SPOCK3: variants seen among roughly 807,000 people sequenced by gnomAD.
The protein encoded by SPOCK3 is testican-3.
A neutral mutation model predicts 56.6 loss-of-function variants in SPOCK3; 30 were observed. The observed-to-expected ratio is 0.53, with a 90% confidence interval of 0.40 to 0.72. The LOEUF (loss-of-function observed/expected upper bound fraction) is 0.72. Ranked by LOEUF, SPOCK3 falls within the 30% of genes least tolerant of loss-of-function variation. The probability of loss-of-function intolerance (pLI) is 0.00; values close to 1 mark genes in which losing one functional copy is unlikely to be tolerated. For missense variants in SPOCK3, 527 were observed against 530.0 expected, an observed-to-expected ratio of 0.99 and a Z score of 0.06; for synonymous variants, 196 against 183.3, an observed-to-expected ratio of 1.07 and a Z score of -0.56.
intron 3 of SPOCK3, among the ~76,000 whole-genome samples, chr4:167,056,051 C>T (rs1055662506): frequency 2.6e-5 from 4 of 152,170 alleles, no homozygotes; most frequent in African/African-American, 9.7e-5. Flanking sequence ...GGGAGGCACC[C>T]CCCAGTAGGG....
At chr4:167,007,457 C>A (rs1749578077) in intron 3 of SPOCK3, among the ~76,000 whole-genome samples, 1 of 149,518 alleles carries the variant, frequency 6.7e-6, no homozygotes. Flanking sequence ...ATTTTTTTTT[C>A]AAATATTTTT....
intron 6 of SPOCK3, among the ~76,000 whole-genome samples, chr4:166,822,912 T>G (rs1470587122): frequency 6.6e-6 from 1 of 152,050 alleles, no homozygotes; most frequent in African/African-American, 2.4e-5. Context: ...TTTTTTCTTT[T>G]GCTGTTTATG....
chr4:167,111,261 A>G (rs1159721327), intron 2 of SPOCK3, among the ~76,000 whole-genome samples: 2 of 152,098 alleles, frequency 1.3e-5, no homozygotes, highest in Non-Finnish European at 2.9e-5. Flanking sequence ...TGCAAGTAAG[A>G]TCATTAAGAT....
At chr4:166,782,318 C>T (rs1740269515) in intron 7 of SPOCK3, among the ~76,000 whole-genome samples, 1 of 152,018 alleles carries the variant, frequency 6.6e-6, no homozygotes, top group South Asian at 2.1e-4. Context: ...AAAGAGTCTT[C>T]AGAATACCTG....
At chr4:166,989,727 T>G (rs1349474241) in intron 4 of SPOCK3, among the ~76,000 whole-genome samples, 1 of 152,090 alleles carries the variant, frequency 6.6e-6, no homozygotes, top group East Asian at 1.9e-4. Flanking sequence ...AATTCTTACG[T>G]TTTTTTGGTA....
chr4:166,886,019 C>T (rs900314812), intron 6 of SPOCK3, among the ~76,000 whole-genome samples: 8 of 152,020 alleles, frequency 5.3e-5, no homozygotes, highest in Non-Finnish European at 8.8e-5. Flanking sequence ...AAAATAAATG[C>T]TTTCTACAAT....
chr4:166,915,747 A>T (rs1019533443), intron 4 of SPOCK3, among the ~76,000 whole-genome samples: 18 of 152,140 alleles, frequency 1.2e-4, no homozygotes, highest in Admixed American at 1.2e-3. Context: ...AAGAAACTAG[A>T]TCTGGGGAGA....
intron 6 of SPOCK3, among the ~76,000 whole-genome samples, chr4:166,819,681 A>T (rs1363321073): frequency 1.3e-5 from 2 of 152,060 alleles, no homozygotes; most frequent in Non-Finnish European, 2.9e-5. Context: ...CTGAAACTAC[A>T]AAAGTTGCTG....
At position 167,000,365 on chromosome 4, in the gene SPOCK3, G is replaced by C; in HGVS notation, c.334C>G (p.Arg112Gly). The C allele has an allele frequency of 6.4e-7, 1 of 1,574,696 alleles. No homozygotes were observed. The highest frequency in any genetic ancestry group is 8.7e-7 in the Non-Finnish European group (1 of 1,152,710). Residue 112 changes from arginine (R) to glycine (G), a missense_variant, in exon 4 of 11, where the codon CGG (arginine) becomes GGG (glycine). Coordinates refer to ENST00000357545, the MANE Select transcript of SPOCK3 (RefSeq NM_001040159.2). ...AATGTTTACCTGTGTGTAAGCCTCCGGTGACTAATGCAGACTGCAGTCTGA... is the reference window on the plus strand; with the variant it reads ...AATGTTTACCTGTGTGTAAGCCTCCCGTGACTAATGCAGACTGCAGTCTGA... Reference protein sequence around the residue: ...DSQTAVCISHRRLTHRMKEAG... With the variant: ...DSQTAVCISHGRLTHRMKEAG...
chr4:166,747,329 C>G (rs1367868776), intron 8 of SPOCK3, among the ~76,000 whole-genome samples: 1 of 152,132 alleles, frequency 6.6e-6, no homozygotes, highest in Non-Finnish European at 1.5e-5. Flanking sequence ...TCTGGTTCAA[C>G]CTATGCAAAT....
At chr4:166,791,260 AT>A (rs1005295433) in intron 7 of SPOCK3, among the ~76,000 whole-genome samples, 2 of 152,220 alleles carry the variant, frequency 1.3e-5, no homozygotes, top group Admixed American at 6.5e-5. Flanking sequence ...TGTGAAAAAA[AT>A]AAATAAGGCA....
chr4:166,750,576 T>G (rs2126467729), intron 8 of SPOCK3, among the ~76,000 whole-genome samples: 1 of 152,180 alleles, frequency 6.6e-6, no homozygotes, highest in Non-Finnish European at 1.5e-5. Context: ...AGAAGTTAAA[T>G]TTCCAGATGT....
chr4:167,007,462 A>C (rs756971517), intron 3 of SPOCK3, among the ~76,000 whole-genome samples: 130 of 151,780 alleles, frequency 8.6e-4, no homozygotes, highest in Non-Finnish European at 1.6e-3. Context: ...TTTTTCAAAT[A>C]TTTTTGGTCC....
At chr4:167,169,442 A>C (rs1730301536) in intron 2 of SPOCK3, among the ~76,000 whole-genome samples, 1 of 152,184 alleles carries the variant, frequency 6.6e-6, no homozygotes. Context: ...TTGGAGCTTT[A>C]AGAATCGACT....
In SPOCK3 at chr4:167,007,867, T is replaced by C. The variant is rs1749615071; in HGVS notation, c.236-7404A>G. The stretch of plus-strand genomic sequence containing the variant: ...CAGTGTTTAATTATGAATATTACCA[T>C]TGGCCACAGTCTAATGATGCTAAGG... On this transcript the variant is annotated intron_variant, in intron 3 of 10. Coordinates refer to ENST00000357545, the MANE Select transcript of SPOCK3 (RefSeq NM_001040159.2). Among the ~76,000 whole-genome samples the C allele has an allele frequency of 2.0e-5, 3 of 152,274 alleles. No homozygotes were observed. In the South Asian group the frequency reaches 6.2e-4, roughly 32 times the overall value.
At chr4:167,205,944 T>C (rs1734285280) in intron 2 of SPOCK3, among the ~76,000 whole-genome samples, 1 of 152,054 alleles carries the variant, frequency 6.6e-6, no homozygotes, top group Non-Finnish European at 1.5e-5. Context: ...CTGCTTAGGT[T>C]TTTATTTTGA....
intron 2 of SPOCK3, among the ~76,000 whole-genome samples, chr4:167,105,942 G>A (rs1760100711): frequency 6.6e-6 from 1 of 151,842 alleles, no homozygotes; most frequent in Admixed American, 6.6e-5. Context: ...TATAACAATT[G>A]TAAATATGTA....
intron 2 of SPOCK3, among the ~76,000 whole-genome samples, chr4:167,153,244 A>G (rs1561271732): frequency 6.6e-6 from 1 of 152,172 alleles, no homozygotes; most frequent in Admixed American, 6.5e-5. Flanking sequence ...CCATGAGGCT[A>G]TCTTCCTGAC....
chr4:166,968,137 T>C (rs1265684188), intron 4 of SPOCK3, among the ~76,000 whole-genome samples: 1 of 152,204 alleles, frequency 6.6e-6, no homozygotes, highest in Non-Finnish European at 1.5e-5. Flanking sequence ...TGCTTCCAAA[T>C]GCCTATGCTC....
Sources: gnomAD v4.1 joint callset for allele counts (sites outside exome capture counted in the v4.1 genomes callset) on GRCh38, gnomAD v4.1.1 for gene constraint, MANE v1.5 for transcripts, NCBI Gene and HGNC (gene_info 2026-07-23, HGNC 2026-07-21) for gene names.